The following ZNF529 variants were observed in gnomAD, a reference collection of about 807,000 sequenced individuals.
ZNF529 encodes zinc finger protein 529.
ZNF529 carries 11 observed loss-of-function variants against 10.1 expected under a neutral mutation model. That is an observed-to-expected ratio of 1.09 (90% CI 0.69 to 1.81). The LOEUF (loss-of-function observed/expected upper bound fraction) is 1.81. Ranked by LOEUF, ZNF529 falls within the 40% of genes most tolerant of loss-of-function variation. The pLI is 0.00. For missense variants in ZNF529, 624 were observed against 666.8 expected (o/e 0.94, Z 0.71); for synonymous variants, 204 against 215.7 (o/e 0.95, Z 0.47).
intron 4 of ZNF529, among the ~76,000 whole-genome samples, chr19:36,554,393 A>G (rs1430167777): frequency 6.6e-6 from 1 of 152,200 alleles, no homozygotes; most frequent in African/African-American, 2.4e-5. Context: ...CCTGGCCAAC[A>G]TGGTGAAACC....
At chr19:36,556,295 T>A in intron 2 of ZNF529, 98 bp from the exon 3 acceptor site, 1 of 677,388 alleles carries the variant, frequency 1.5e-6, no homozygotes, top group Non-Finnish European at 2.7e-6. Flanking sequence ...TTTAAGAGAA[T>A]CTCAAAAAAC....
chr19:36,570,062 A>G (rs901015542), intron 2 of ZNF529, among the ~76,000 whole-genome samples: 3 of 152,124 alleles, frequency 2.0e-5, no homozygotes, highest in African/African-American at 7.2e-5. Context: ...CTGATCGTCA[A>G]TAAAAACCCC....
chr19:36,550,129 G>A (rs2035203948), intron 4 of ZNF529, among the ~76,000 whole-genome samples: 1 of 152,190 alleles, frequency 6.6e-6, no homozygotes, highest in African/African-American at 2.4e-5. Context: ...ATAATTTTCT[G>A]TGACTTAATT....
intron 1 of ZNF529, among the ~76,000 whole-genome samples, chr19:36,602,657 G>A (rs183382193): frequency 7.9e-5 from 12 of 152,054 alleles, no homozygotes; most frequent in Admixed American, 2.6e-4. Flanking sequence ...GGCCGGGCAC[G>A]GTGGCTCACG....
At chr19:36,593,514 C>T (rs1053756463) in intron 1 of ZNF529, among the ~76,000 whole-genome samples, 2 of 152,098 alleles carry the variant, frequency 1.3e-5, no homozygotes, top group East Asian at 1.9e-4. Context: ...TTTAATCATC[C>T]GTCCACCATC....
chr19:36,547,264 C>G lies in ZNF529; in HGVS notation c.1294G>C (p.Gly432Arg). The change falls in exon 5 of 5, where the codon GGA becomes CGA. Residue 432 changes from glycine (G) to arginine (R), a missense_variant. By Grantham distance (125) the Gly-to-Arg change is moderately radical. Coordinates refer to ENST00000591340, the MANE Select transcript of ZNF529 (RefSeq NM_020951.5). ...TGTCGAGTAAGTTCACTACCTACTC[C>G]AAATGCTTTCTCACATTCTTTACAT... ...YKCKECEKAF[G>R]VGSELTRHER... 1 of 1,613,660 alleles carries G rather than the reference C, an allele frequency of 6.2e-7. No homozygotes were observed. The highest frequency in any genetic ancestry group is 8.5e-7 in the Non-Finnish European group (1 of 1,179,770).
intron 1 of ZNF529, among the ~76,000 whole-genome samples, chr19:36,590,705 A>C (rs2036687635): frequency 6.6e-6 from 1 of 152,086 alleles, no homozygotes; most frequent in Non-Finnish European, 1.5e-5. Context: ...CGAGGCGGGC[A>C]GATCACCTAA....
Position 36,548,041 on chromosome 19 carries a change from A to C in ZNF529, c.517T>G (p.Tyr173Asp), listed in dbSNP as rs2035116221. The C allele has an allele frequency of 1.2e-6, 2 of 1,613,806 alleles. No individual in the cohort carries two copies. Among genetic ancestry groups the C allele is most frequent in the Non-Finnish European group, 1.7e-6 (2 of 1,179,886 alleles). ...RTHDSEKPYE[Y>D]KEYEKVFSCD... ...CTGAAGACCTTCTCATATTCCTTGT[A>C]TTCATAGGGCTTCTCACTGTCATGA... The change falls in exon 5 of 5, where the codon TAC (tyrosine) becomes GAC (aspartate). Residue 173 changes from tyrosine (Y) to aspartate (D), a missense_variant. By Grantham distance (160) the Tyr-to-Asp change is radical (BLOSUM62 -3). Transcript: ENST00000591340.
chr19:36,547,889 A>G lies in ZNF529; in HGVS notation c.669T>C (p.Gly223=). ...SSMLQLNIHT[G]VKPCKYMEYG... is the part of the protein sequence containing the mutation. ...ATTCCATATATTTACAAGGTTTCAC[A>G]CCAGTATGAATATTCAGTTGTAACA... The change falls in exon 5 of 5, where the codon GGT becomes GGC. Residue 223 remains glycine (G), a synonymous_variant. Coordinates refer to ENST00000591340, the MANE Select transcript of ZNF529 (RefSeq NM_020951.5). 1.9e-6 allele frequency: 3 copies of G among 1,611,958 alleles called. No homozygotes were observed. Among genetic ancestry groups the G allele is most frequent in the Non-Finnish European group, 2.5e-6 (3 of 1,178,440 alleles).
chr19:36,592,284 C>CCAA (rs2036738452), intron 1 of ZNF529, among the ~76,000 whole-genome samples: 1 of 49,840 alleles, frequency 2.0e-5, no homozygotes, highest in Non-Finnish European at 3.5e-5. Flanking sequence ...GACTTTGTCT[C>CCAA]AAAAAAAAAA....
rs1234747444 is a variant in ZNF529 at position 36,547,581 on chromosome 19, G to A, written c.977C>T (p.Thr326Ile). 1.9e-6 allele frequency: 3 copies of A among 1,613,708 alleles called. No homozygotes were observed. The highest frequency in any genetic ancestry group is 1.3e-5 in the African/African-American group (1 of 74,918). ...ACCAGTATGAATTCTCTGATGTTCG[G>A]TAAGCTGTGAATGAAATCTGAAGTC... is the stretch of plus-strand genomic sequence containing the variant. Reference protein sequence around the residue: ...GKDFRFHSQLTEHQRIHTGEK... With the variant: ...GKDFRFHSQLIEHQRIHTGEK... The change falls in exon 5 of 5, where the codon ACC becomes ATC. Residue 326 changes from threonine (T) to isoleucine (I), a missense_variant. Thr to Ile is a moderately conservative substitution (Grantham distance 89, BLOSUM62 -1). Transcript: ENST00000591340.
At chr19:36,571,675 C>CAAAA (rs5827961) in intron 2 of ZNF529, among the ~76,000 whole-genome samples, 1 of 134,838 alleles carries the variant, frequency 7.4e-6, no homozygotes, top group South Asian at 2.4e-4. Context: ...AACTCTGTCT[C>CAAAA]AAAAAAAAAA....
chr19:36,588,480 GGAAA>G (rs1207880474), intron 2 of ZNF529, among the ~76,000 whole-genome samples: 2 of 152,220 alleles, frequency 1.3e-5, no homozygotes, highest in African/African-American at 4.8e-5. Flanking sequence ...TAGGTGTGAT[GGAAA>G]GAGAGTTGTC....
intron 2 of ZNF529, among the ~76,000 whole-genome samples, chr19:36,564,859 A>G (rs1051323788): frequency 6.6e-5 from 10 of 152,212 alleles, no homozygotes; most frequent in Non-Finnish European, 1.5e-4. Flanking sequence ...GCCCCTCAAC[A>G]GTGGCTTGGA....
chr19:36,604,627 C>A (rs774457868), intron 1 of ZNF529, among the ~76,000 whole-genome samples: 15 of 152,038 alleles, frequency 9.9e-5, no homozygotes, highest in Non-Finnish European at 1.5e-4. Flanking sequence ...TCGAGCCATA[C>A]GGGGACCTTG....
chr19:36,556,622 T>C (rs1339528706), intron 2 of ZNF529, among the ~76,000 whole-genome samples: 3 of 152,202 alleles, frequency 2.0e-5, no homozygotes, highest in Non-Finnish European at 4.4e-5. Flanking sequence ...TTTCCAACTG[T>C]TGTGTCCTGG....
At position 36,543,833 on chromosome 19, in the gene ZNF529, G is replaced by A. The variant is rs567057664; in HGVS notation, c.*3033C>T. 1 of 151,912 alleles carries A rather than the reference G, an allele frequency of 6.6e-6. No individual in the cohort carries two copies. The highest frequency in any genetic ancestry group is 1.5e-5 in the Non-Finnish European group (1 of 67,992). 9.4% of individuals were successfully genotyped at this position (151,912 alleles called of 1,614,324 possible). On this transcript the variant is annotated 3_prime_UTR_variant, in exon 5 of 5. Transcript: ENST00000591340. Reference sequence around the variant, plus strand: ...CATTCTTATGTCCTCATTGCCCTATGTCCAAATACAATCACATTGCAGGTT... The same window carrying A: ...CATTCTTATGTCCTCATTGCCCTATATCCAAATACAATCACATTGCAGGTT...
intron 2 of ZNF529, among the ~76,000 whole-genome samples, chr19:36,582,956 A>G (rs187272820): frequency 1.2e-3 from 185 of 152,316 alleles, no homozygotes; most frequent in Non-Finnish European, 2.1e-3. Context: ...TATGCCAATA[A>G]ATTTGACATT....
chr19:36,578,556 C>T (rs1245240525), intron 2 of ZNF529, among the ~76,000 whole-genome samples: 1 of 151,548 alleles, frequency 6.6e-6, no homozygotes, highest in African/African-American at 2.4e-5. Flanking sequence ...CCCCCCGCCT[C>T]AGCCTCCAAA....
Sources: gnomAD v4.1 joint callset for allele counts (sites outside exome capture counted in the v4.1 genomes callset) on GRCh38, gnomAD v4.1.1 for gene constraint, MANE v1.5 for transcripts, NCBI Gene and HGNC (gene_info 2026-07-23, HGNC 2026-07-21) for gene names.